The following GRIK2 variants were observed in gnomAD, a reference collection of about 807,000 sequenced individuals.
GRIK2 encodes the protein glutamate receptor ionotropic, kainate 2.
Under a neutral mutation model 100.3 loss-of-function variants are expected in GRIK2, and 32 were observed. The observed-to-expected ratio is 0.32, with a 90% CI of 0.24 to 0.43. GRIK2 has a LOEUF of 0.43. GRIK2 is among the 20% of genes least tolerant of loss of function. The probability of loss-of-function intolerance (pLI) is 1.00; values close to 1 mark genes in which losing one functional copy is unlikely to be tolerated. For missense variants in GRIK2, 843 were observed against 1,114.9 expected (o/e 0.76, Z 3.47); for synonymous variants, 417 against 389.4 (o/e 1.07, Z -0.83).
intron 14 of GRIK2, among the ~76,000 whole-genome samples, chr6:101,948,472 GTTATAGTTAT>G (rs1305374704): frequency 1.4e-5 from 2 of 146,534 alleles, no homozygotes; most frequent in African/African-American, 5.0e-5. Flanking sequence ...CACATATATA[GTTATAGTTAT>G]ATATAGTTAT....
intron 2 of GRIK2, among the ~76,000 whole-genome samples, chr6:101,483,939 A>T (rs893089347): frequency 6.6e-6 from 1 of 152,212 alleles, no homozygotes; most frequent in Non-Finnish European, 1.5e-5. Flanking sequence ...GTAGGGCATT[A>T]ATATGAATAT....
intron 12 of GRIK2, among the ~76,000 whole-genome samples, chr6:101,911,390 ATTAT>A (rs1788679468): frequency 6.6e-6 from 1 of 151,570 alleles, no homozygotes; most frequent in African/African-American, 2.4e-5. Context: ...CAAGAATATT[ATTAT>A]TTATAGTTTT....
chr6:101,686,715 A>C (rs911763738), intron 7 of GRIK2, among the ~76,000 whole-genome samples: 2 of 152,118 alleles, frequency 1.3e-5, no homozygotes, highest in South Asian at 2.1e-4. Flanking sequence ...AATACTCTTC[A>C]ACATGATGAT....
At chr6:101,777,862 T>C (rs1218735146) in intron 7 of GRIK2, among the ~76,000 whole-genome samples, 1 of 152,180 alleles carries the variant, frequency 6.6e-6, no homozygotes, top group Non-Finnish European at 1.5e-5. Context: ...TATAAATTCA[T>C]TTAGAAACGG....
At chr6:101,943,883 C>A (rs147790431) in intron 14 of GRIK2, among the ~76,000 whole-genome samples, 103 of 152,126 alleles carry the variant, frequency 6.8e-4, no homozygotes, top group Non-Finnish European at 1.4e-3. Flanking sequence ...AGCATGATTG[C>A]GTTTTGAAAT....
At position 101,571,169 on chromosome 6, in the gene GRIK2, C is replaced by A. The variant is rs963905532; in HGVS notation, c.116-50780C>A. Among the ~76,000 whole-genome samples, 34 of 152,018 alleles carry A rather than the reference C, an allele frequency of 2.2e-4. 2 individuals are homozygous for A. The highest frequency in any genetic ancestry group is 1.4e-3 in the Admixed American group (22 of 15,236). ...CAGTTTGCAAAAATGAAAGCAATAT[C>A]CTTTAACTTGCATGTTTAGTCACAG... On this transcript the variant is annotated intron_variant, in intron 2 of 16. Transcript: ENST00000369134.
rs945005287 is a variant in GRIK2, at chr6:101,547,889, T to C, written c.116-74060T>C. On this transcript the variant is annotated intron_variant, in intron 2 of 16. Coordinates refer to ENST00000369134, the MANE Select transcript of GRIK2 (RefSeq NM_021956.5). ...TTCCAGTTCTAGATCCCTGAGGAAT[T>C]GCCACACTGACTCCCACAATGGTTG... is the stretch of plus-strand genomic sequence containing the variant. Among the ~76,000 whole-genome samples, 373 of 152,234 alleles carry C rather than the reference T, an allele frequency of 2.5e-3. 1 individual carries two copies. The highest frequency in any genetic ancestry group is 6.9e-4 in the Non-Finnish European group (47 of 68,014).
At chr6:101,671,107 T>C (rs1040519198) in intron 4 of GRIK2, among the ~76,000 whole-genome samples, 3 of 152,186 alleles carry the variant, frequency 2.0e-5, no homozygotes, top group African/African-American at 7.2e-5. Flanking sequence ...TTATTCTGCA[T>C]TTATGGAAAT....
At chr6:101,622,965 T>C (rs767853944) in intron 3 of GRIK2, among the ~76,000 whole-genome samples, 4 of 152,014 alleles carry the variant, frequency 2.6e-5, no homozygotes, top group Non-Finnish European at 5.9e-5. Flanking sequence ...AGGTGATCTT[T>C]TCTTTTGCAT....
intron 2 of GRIK2, among the ~76,000 whole-genome samples, chr6:101,616,009 T>A (rs1779875511): frequency 6.6e-6 from 1 of 151,782 alleles, no homozygotes; most frequent in Non-Finnish European, 1.5e-5. Context: ...TGCTTCTTGC[T>A]GGAGTGAATA....
At chr6:101,639,340 C>A (rs1323938510) in intron 4 of GRIK2, among the ~76,000 whole-genome samples, 1 of 152,062 alleles carries the variant, frequency 6.6e-6, no homozygotes, top group African/African-American at 2.4e-5. Context: ...AGCCAGATAA[C>A]TGATTTTATA....
At chr6:101,652,003 A>C (rs1279127011) in intron 4 of GRIK2, among the ~76,000 whole-genome samples, 2 of 152,202 alleles carry the variant, frequency 1.3e-5, no homozygotes, top group Admixed American at 6.5e-5. Flanking sequence ...AGAAGCAGAG[A>C]ATAATACTGC....
At chr6:101,773,654 CAGTTA>C (rs1330796865) in intron 7 of GRIK2, among the ~76,000 whole-genome samples, 8 of 152,040 alleles carry the variant, frequency 5.3e-5, no homozygotes, top group Non-Finnish European at 7.4e-5. Context: ...TTGAGATTTT[CAGTTA>C]AGTTGTTTTA....
intron 2 of GRIK2, among the ~76,000 whole-genome samples, chr6:101,560,669 G>A (rs1455196029): frequency 6.6e-6 from 1 of 151,964 alleles, no homozygotes; most frequent in Non-Finnish European, 1.5e-5. Flanking sequence ...AAGTAATTCA[G>A]CTGCTCTAAA....
intron 7 of GRIK2, among the ~76,000 whole-genome samples, chr6:101,783,116 T>C (rs146070595): frequency 0.033 from 5,028 of 152,004 alleles, 197 homozygotes; most frequent in African/African-American, 0.093. Context: ...CCTCGGCCTC[T>C]CAAAGTGCTG....
intron 15 of GRIK2, among the ~76,000 whole-genome samples, chr6:102,042,198 A>C (rs1016191573): frequency 6.6e-6 from 1 of 151,676 alleles, no homozygotes; most frequent in Non-Finnish European, 1.5e-5. Flanking sequence ...TCATCTCTAA[A>C]GACATGTTTA....
chr6:101,486,236 A>G (rs1376369538), intron 2 of GRIK2, among the ~76,000 whole-genome samples: 1 of 152,022 alleles, frequency 6.6e-6, no homozygotes, highest in Admixed American at 6.6e-5. Flanking sequence ...TCTCCAAGGG[A>G]AATAGGCAGT....
At chr6:101,847,034 C>A (rs1562435243) in intron 10 of GRIK2, among the ~76,000 whole-genome samples, 1 of 151,278 alleles carries the variant, frequency 6.6e-6, no homozygotes, top group Admixed American at 6.6e-5. Context: ...TTTCTTCCTA[C>A]CTGCAGGTTT....
At chr6:101,935,270 G>T (rs1162548166) in intron 14 of GRIK2, among the ~76,000 whole-genome samples, 1 of 151,818 alleles carries the variant, frequency 6.6e-6, no homozygotes, top group Non-Finnish European at 1.5e-5. Flanking sequence ...TGTTTATTTA[G>T]GTGCTATTAA....
Sources: gnomAD v4.1 joint callset for allele counts (sites outside exome capture counted in the v4.1 genomes callset) on GRCh38, gnomAD v4.1.1 for gene constraint, MANE v1.5 for transcripts, NCBI Gene and HGNC (gene_info 2026-07-23, HGNC 2026-07-21) for gene names.